Variants in WDCP observed in about 807,000 individuals in gnomAD.
The protein encoded by WDCP is WD repeat and coiled-coil-containing protein.
In WDCP, 19 loss-of-function variants were observed where a neutral mutation model predicts 41.6. The observed-to-expected ratio is 0.46, with a 90% CI of 0.32 to 0.67. The LOEUF (loss-of-function observed/expected upper bound fraction) is 0.67. Among genes scored for constraint, WDCP ranks in the 30% least tolerant of loss-of-function variants. The pLI, the probability that WDCP is intolerant of heterozygous loss-of-function variation, is 0.04. For synonymous variants in WDCP, 302 were observed against 320.8 expected (o/e 0.94, Z 0.63); for missense variants, 802 against 850.7 (o/e 0.94, Z 0.71).
At chr2:24,039,556 C>G in intron 1 of WDCP, 44 bp from the exon 2 acceptor site, 1 of 1,545,122 alleles carries the variant, frequency 6.5e-7, no homozygotes, top group Non-Finnish European at 8.8e-7. Context: ...GAAATCTAGA[C>G]AAATCTAGAA....
At chr2:24,044,817 TAAAAAAA>T (rs747340836) in intron 1 of WDCP, among the ~76,000 whole-genome samples, 9 of 103,928 alleles carry the variant, frequency 8.7e-5, no homozygotes, top group African/African-American at 2.9e-4. Context: ...GAATTATCTT[TAAAAAAA>T]AAAAAAAAAA....
At chr2:24,042,312 C>A (rs536759286) in intron 1 of WDCP, among the ~76,000 whole-genome samples, 2 of 151,752 alleles carry the variant, frequency 1.3e-5, no homozygotes, top group African/African-American at 2.4e-5. Context: ...CCGAGGCAGG[C>A]GGATCACGAG....
chr2:24,030,836 G>A lies in WDCP; in HGVS notation c.*97C>T, dbSNP rs2150945975. ...CGACCATGGCAAGCGCTTCGCCTGA[G>A]TGCAGTGGGAGTCTCATTGGCGAGT... On this transcript the variant is annotated 3_prime_UTR_variant, in exon 4 of 4. Transcript: ENST00000295148. 2.1e-6 allele frequency: 2 copies of A among 946,064 alleles called. No homozygotes were observed. The highest frequency in any genetic ancestry group is 3.2e-6 in the Non-Finnish European group (2 of 615,408). The allele number at this position is 946,064 out of a possible 1,614,324, so 58.6% of individuals were successfully genotyped here.
intron 1 of WDCP, among the ~76,000 whole-genome samples, chr2:24,040,707 T>C (rs574503850): frequency 6.6e-6 from 1 of 152,316 alleles, no homozygotes; most frequent in South Asian, 2.1e-4. Context: ...CCCCAGGCAT[T>C]TGAATCACTA....
At chr2:24,042,204 C>T (rs925466735) in intron 1 of WDCP, among the ~76,000 whole-genome samples, 4 of 151,716 alleles carry the variant, frequency 2.6e-5, no homozygotes, top group Non-Finnish European at 4.4e-5. Context: ...GAGCTCAAAA[C>T]CAGCCTGACC....
In WDCP at chr2:24,037,965, G is replaced by A. The variant is rs1452462520; in HGVS notation, c.1530C>T (p.Ser510=). ...QSPLSSICDG[S]IALDAEPVTQ... ...TAACAGGCTCAGCATCTAGAGCTAT[G>A]GAGCCATCACAGATACTAGACAGAG... The change falls in exon 2 of 4, where the codon TCC becomes TCT. Residue 510 remains serine (S), a synonymous_variant. Transcript: ENST00000295148. 6.2e-7 allele frequency: 1 copy of A among 1,614,078 alleles called. No individual in the cohort carries two copies. The highest frequency in any genetic ancestry group is 1.3e-5 in the African/African-American group (1 of 74,910).
At chr2:24,044,547 G>A (rs1435095412) in intron 1 of WDCP, among the ~76,000 whole-genome samples, 1 of 152,072 alleles carries the variant, frequency 6.6e-6, no homozygotes, top group Non-Finnish European at 1.5e-5. Context: ...GATTACAGGC[G>A]TGAGCCACTG....
intron 1 of WDCP, among the ~76,000 whole-genome samples, chr2:24,040,411 A>G (rs1390000490): frequency 6.6e-6 from 1 of 152,214 alleles, no homozygotes; most frequent in Non-Finnish European, 1.5e-5. Context: ...TCTAATTTCT[A>G]TTCGTCCTTT....
chr2:24,041,227 T>A (rs1370562315), intron 1 of WDCP, among the ~76,000 whole-genome samples: 2 of 150,822 alleles, frequency 1.3e-5, no homozygotes, highest in Non-Finnish European at 2.9e-5. Flanking sequence ...TAATCCCAGC[T>A]ACTCAGGAGG....
At chr2:24,035,391 A>C (rs1305190108) in intron 2 of WDCP, among the ~76,000 whole-genome samples, 1 of 152,150 alleles carries the variant, frequency 6.6e-6, no homozygotes, top group Non-Finnish European at 1.5e-5. Context: ...AATAAAAATA[A>C]AAATGGTTAC....
intron 2 of WDCP, among the ~76,000 whole-genome samples, chr2:24,037,242 C>T (rs1020997032): frequency 2.6e-5 from 4 of 152,118 alleles, no homozygotes; most frequent in Admixed American, 6.5e-5. Context: ...AGGCTGGTCT[C>T]GAACTCCTGA....
Position 24,035,127 on chromosome 2 carries a change from G to GAAAATTTTTACTTTCTGTAATGGT in WDCP, c.1819-2205_1819-2182dup, listed in dbSNP as rs1332750529. Among the ~76,000 whole-genome samples the GAAAATTTTTACTTTCTGTAATGGT allele has an allele frequency of 2.3e-4, 35 of 151,480 alleles. 1 individual carries two copies. In the East Asian group the frequency reaches 6.4e-3, roughly 28 times the overall value. ...GATTTTCTCTAAAGGTTGGATTATG[G>GAAAATTTTTACTTTCTGTAATGGT]AAAATTTTTACTTTCTGTAATGGTA... On this transcript the variant is annotated intron_variant, in intron 2 of 3. Transcript: ENST00000295148.
chr2:24,045,533 G>A (rs1340404168), intron 1 of WDCP, among the ~76,000 whole-genome samples: 8 of 151,270 alleles, frequency 5.3e-5, no homozygotes, highest in Admixed American at 2.6e-4. Context: ...CCCGGCTGGC[G>A]GAGGTTGCAG....
At chr2:24,042,484 C>T (rs979502825) in intron 1 of WDCP, among the ~76,000 whole-genome samples, 2 of 142,840 alleles carry the variant, frequency 1.4e-5, no homozygotes, top group African/African-American at 2.7e-5. Flanking sequence ...TGCAGTGAAT[C>T]GAGATCGCAC....
Position 24,037,674 on chromosome 2 carries a change from T to C in WDCP, c.1818+3A>G. ...AGTGGTAGTTCCTCAAAGGAGAATT[T>C]ACCTGGTAAATGATGTGAACATAAG... On this transcript the variant is annotated splice_donor_region_variant and intron_variant, in intron 2 of 3. Coordinates refer to ENST00000295148, the MANE Select transcript of WDCP (RefSeq NM_025203.3). 6.2e-7 allele frequency: 1 copy of C among 1,602,958 alleles called. No individual in the cohort carries two copies. The highest frequency in any genetic ancestry group is 8.5e-7 in the Non-Finnish European group (1 of 1,175,706).
At chr2:24,042,957 C>T (rs190918322) in intron 1 of WDCP, among the ~76,000 whole-genome samples, 3 of 149,288 alleles carry the variant, frequency 2.0e-5, no homozygotes, top group African/African-American at 7.4e-5. Context: ...CACTTGAACC[C>T]AGGAGGCGGA....
intron 3 of WDCP, among the ~76,000 whole-genome samples, chr2:24,032,123 G>C (rs532716326): frequency 1.3e-5 from 2 of 152,100 alleles, no homozygotes; most frequent in Non-Finnish European, 2.9e-5. Context: ...AGTAATCATA[G>C]CACTTTGGGA....
intron 3 of WDCP, among the ~76,000 whole-genome samples, chr2:24,031,608 C>A (rs542159022): frequency 1.3e-5 from 2 of 152,146 alleles, no homozygotes; most frequent in Non-Finnish European, 2.9e-5. Flanking sequence ...GGGCAGATCT[C>A]GAGGTCAGGA....
rs1348421425 is a variant in WDCP at position 24,038,474 on chromosome 2, C to A, written c.1021G>T (p.Val341Phe). ...AGATTAAATGCTATCAGATCAGGAA[C>A]CAGAATGCCTGGAATAGTGACTTTT... ...TRKVTIPGIL[V>F]PDLIAFNLKA... The change falls in exon 2 of 4, where the codon GTT becomes TTT. Residue 341 changes from valine to phenylalanine, a missense_variant. By Grantham distance (50) the Val-to-Phe change is conservative. Around this residue, in one of 5 missense-constraint regions of WDCP, gnomAD observed 247 missense variants for 240.5 expected, o/e 1.03. Coordinates refer to ENST00000295148, the MANE Select transcript of WDCP (RefSeq NM_025203.3). The A allele has an allele frequency of 1.4e-5, 23 of 1,614,080 alleles. No homozygotes were observed. Among genetic ancestry groups the A allele is most frequent in the Non-Finnish European group, 1.9e-5 (23 of 1,180,058 alleles).
Sources: allele counts gnomAD v4.1 joint callset (sites outside exome capture counted in the v4.1 genomes callset), GRCh38; gene constraint gnomAD v4.1.1; regional missense constraint gnomAD v4.1.1; transcripts MANE v1.5; gene names NCBI Gene and HGNC (gene_info 2026-07-23, HGNC 2026-07-21).